WNT8B: variants seen among roughly 807,000 people sequenced by gnomAD.
WNT8B encodes the protein protein Wnt-8b.
In WNT8B, 24 loss-of-function variants were observed where a neutral mutation model predicts 36.6. The observed-to-expected ratio is 0.66, with a 90% CI of 0.48 to 0.92. The LOEUF (loss-of-function observed/expected upper bound fraction) is 0.92, where lower values mean the gene tolerates loss of function less well. Ranked by LOEUF, WNT8B falls within the 40% of genes least tolerant of loss-of-function variation. The probability of loss-of-function intolerance (pLI) is 0.00; values close to 1 mark genes in which losing one functional copy is unlikely to be tolerated. For missense variants in WNT8B, 402 were observed against 470.8 expected, an observed-to-expected ratio of 0.85 and a Z score of 1.35; for synonymous variants, 199 against 189.8, an observed-to-expected ratio of 1.05 and a Z score of -0.40.
chr10:100,482,377 C>A lies in WNT8B; in HGVS notation c.617C>A (p.Ala206Glu). The A allele has an allele frequency of 6.2e-7, 1 of 1,606,434 alleles. No individual in the cohort carries two copies. ...LQLPEFREVG[A>E]HLKEKYHAAL... ...CTGCCCGAGTTCCGCGAGGTGGGCGCGCACCTGAAGGAGAAGTACCACGCA... is the reference window on the plus strand; with the variant it reads ...CTGCCCGAGTTCCGCGAGGTGGGCGAGCACCTGAAGGAGAAGTACCACGCA... The change falls in exon 6 of 6, where the codon GCG becomes GAG. Residue 206 changes from alanine (A) to glutamate (E), a missense_variant. Ala to Glu is a moderately radical substitution (Grantham distance 107, BLOSUM62 -1). This residue lies in a region of WNT8B where 256 missense variants were observed against 278.6 expected (regional missense o/e 0.92). Coordinates refer to ENST00000343737, the MANE Select transcript of WNT8B (RefSeq NM_003393.4). The surrounding 1 kb of genome is among the most constrained non-coding windows in gnomAD (Gnocchi z 6.6).
At position 100,463,105 on chromosome 10, in the gene WNT8B, C is replaced by A; in HGVS notation, c.-64C>A. 1 of 1,470,924 alleles carries A rather than the reference C, an allele frequency of 6.8e-7. No individual in the cohort carries two copies. Among genetic ancestry groups the A allele is most frequent in the Non-Finnish European group, 9.5e-7 (1 of 1,053,958 alleles). The allele number at this position is 1,470,924 out of a possible 1,614,324, so 91.1% of individuals were successfully genotyped here. On this transcript the variant is annotated 5_prime_UTR_variant, in exon 1 of 6. Coordinates refer to ENST00000343737, the MANE Select transcript of WNT8B (RefSeq NM_003393.4). ...CCCACTGGCACTGAGGAGAATATTT[C>A]TCCGTCTTGCTTACCCATCTCCCAG...
chr10:100,474,648 T>C (rs1246812182), intron 1 of WNT8B, among the ~76,000 whole-genome samples: 5 of 152,032 alleles, frequency 3.3e-5, no homozygotes, highest in South Asian at 2.1e-4. Flanking sequence ...CACTGTAAAC[T>C]CCACCTCCAG....
chr10:100,471,178 A>G (rs2133652612), intron 1 of WNT8B, among the ~76,000 whole-genome samples: 1 of 152,362 alleles, frequency 6.6e-6, no homozygotes, highest in East Asian at 1.9e-4. Context: ...ATAGGAGGCT[A>G]TCCATCTAGG....
chr10:100,481,935 G>A lies in WNT8B; in HGVS notation c.391G>A (p.Gly131Ser), dbSNP rs1851118703. The change falls in exon 5 of 6, where the codon GGC (glycine) becomes AGC (serine). Residue 131 changes from glycine (G) to serine (S), a missense_variant. By Grantham distance (56) the Gly-to-Ser change is moderately conservative (BLOSUM62 0). Coordinates refer to ENST00000343737, the MANE Select transcript of WNT8B (RefSeq NM_003393.4). ...QLGGQGWLWG[G>S]CSDNVGFGEA... ...AGGGGGACAAGGCTGGCTGTGGGGAGGCTGCAGTGACAATGTGGGCTTCGG... is the reference window on the plus strand; with the variant it reads ...AGGGGGACAAGGCTGGCTGTGGGGAAGCTGCAGTGACAATGTGGGCTTCGG... The A allele has an allele frequency of 6.2e-7, 1 of 1,614,046 alleles. No homozygotes were observed. Among genetic ancestry groups the A allele is most frequent in the South Asian group, 1.1e-5 (1 of 91,086 alleles).
rs1666670121 is a variant in WNT8B at position 100,482,170 on chromosome 10, C to T, written c.511-101C>T. The T allele has an allele frequency of 1.3e-6, 2 of 1,550,328 alleles. No individual in the cohort carries two copies. Among genetic ancestry groups the T allele is most frequent in the Admixed American group, 1.8e-5 (1 of 54,312 alleles). ...TTGGCAAAATGAGGTACCAAGTGGG[C>T]TGGCCCAGTAGACTAACTAGACTTC... is the stretch of plus-strand genomic sequence containing the variant. On this transcript the variant is annotated intron_variant, in intron 5 of 5. Transcript: ENST00000343737. The surrounding 1 kb of genome is among the most constrained non-coding windows in gnomAD (Gnocchi z 6.6).
Position 100,482,899 on chromosome 10 carries a change from G to A in WNT8B, c.*83G>A, listed in dbSNP as rs1851138888. Reference sequence around the variant, plus strand: ...GTAATTGTGGAACCTAGGGAATGGGGAACCCGCTCTCCCAGACCTAGGGAT... The same window carrying A: ...GTAATTGTGGAACCTAGGGAATGGGAAACCCGCTCTCCCAGACCTAGGGAT... On this transcript the variant is annotated 3_prime_UTR_variant, in exon 6 of 6. Coordinates refer to ENST00000343737, the MANE Select transcript of WNT8B (RefSeq NM_003393.4). This position sits in a 1 kb window ranked among gnomAD's most constrained non-coding sequence, Gnocchi z 6.6. 7.2e-7 allele frequency: 1 copy of A among 1,383,752 alleles called. No homozygotes were observed. Among genetic ancestry groups the A allele is most frequent in the Non-Finnish European group, 9.5e-7 (1 of 1,048,806 alleles). 85.7% of individuals were successfully genotyped at this position (1,383,752 alleles called of 1,614,324 possible).
At chr10:100,472,869 G>A (rs1306130043) in intron 1 of WNT8B, among the ~76,000 whole-genome samples, 1 of 152,178 alleles carries the variant, frequency 6.6e-6, no homozygotes, top group African/African-American at 2.4e-5. Flanking sequence ...TGTTCACTCT[G>A]TTACTCTTGT....
Position 100,479,978 on chromosome 10 carries a change from C to G in WNT8B, c.207C>G (p.Ala69=). The G allele has an allele frequency of 2.5e-6, 4 of 1,613,768 alleles. No homozygotes were observed. Among genetic ancestry groups the G allele is most frequent in the Non-Finnish European group, 3.4e-6 (4 of 1,179,874 alleles). ...AWDRWNCPER[A]LQLSSHGGLR... ...ACCGCTGGAACTGCCCTGAGAGAGCCCTGCAGCTGTCCAGCCATGGTGGGC... is the reference window on the plus strand; with the variant it reads ...ACCGCTGGAACTGCCCTGAGAGAGCGCTGCAGCTGTCCAGCCATGGTGGGC... The change falls in exon 3 of 6, where the codon GCC becomes GCG. Residue 69 remains alanine (A), a synonymous_variant. Coordinates refer to ENST00000343737, the MANE Select transcript of WNT8B (RefSeq NM_003393.4).
At chr10:100,478,581 G>GTT (rs556313187) in intron 1 of WNT8B, among the ~76,000 whole-genome samples, 26 of 144,824 alleles carry the variant, frequency 1.8e-4, no homozygotes, top group South Asian at 1.3e-3. Flanking sequence ...GTGTGTGTGT[G>GTT]TTTTTTTTTT....
At chr10:100,480,933 G>GC (rs1851101671) in intron 3 of WNT8B, 65 bp from the exon 4 acceptor site, 1 of 1,560,598 alleles carries the variant, frequency 6.4e-7, no homozygotes, top group African/African-American at 1.4e-5. Context: ...AAGAAAGGTA[G>GC]CATGTCTGGT....
In WNT8B at chr10:100,481,820, A is replaced by G. The variant is rs943858553; in HGVS notation, c.368-92A>G. On this transcript the variant is annotated intron_variant, in intron 4 of 5. Coordinates refer to ENST00000343737, the MANE Select transcript of WNT8B (RefSeq NM_003393.4). ...CAACCTTAATCCTCTCCTATCCTGGACCCCCCCACCCCCAACCCAATTAGA... is the reference window on the plus strand; with the variant it reads ...CAACCTTAATCCTCTCCTATCCTGGGCCCCCCCACCCCCAACCCAATTAGA... The G allele has an allele frequency of 3.9e-6, 6 of 1,519,270 alleles. No homozygotes were observed. The African/African-American group carries it at 6.9e-5, about 17-fold the overall frequency. 94.1% of individuals were successfully genotyped at this position (1,519,270 alleles called of 1,614,324 possible). A position where few individuals can be genotyped will look rare whatever the true frequency, so the allele number is the denominator to read the frequency against.
Position 100,463,307 on chromosome 10 carries a change from T to G in WNT8B, c.68+71T>G, listed in dbSNP as rs1413039311. ...ATGTAATGTGTTGGGTAAAGCTCAT[T>G]TCATTTCCAGAAATGTAGGAAGCCT... On this transcript the variant is annotated intron_variant, in intron 1 of 5. Transcript: ENST00000343737. The G allele has an allele frequency of 2.7e-6, 4 of 1,479,254 alleles. No individual in the cohort carries two copies. In the African/African-American group the frequency reaches 5.6e-5, roughly 21 times the overall value. The allele number at this position is 1,479,254 out of a possible 1,614,324, so 91.6% of individuals were successfully genotyped here.
chr10:100,483,039 TGAG>T lies in WNT8B; in HGVS notation c.*224_*226del. On this transcript the variant is annotated 3_prime_UTR_variant, in exon 6 of 6. Transcript: ENST00000343737. ...GAATCCTCGCAGCCACACCTAGGTCTGAGAACTCAGGCTTTGAGTTACTGATCT... is the reference window on the plus strand; with the variant it reads ...GAATCCTCGCAGCCACACCTAGGTCTAACTCAGGCTTTGAGTTACTGATCT... 5.0e-5 allele frequency: 25 copies of T among 499,654 alleles called. No individual in the cohort carries two copies. Among genetic ancestry groups the T allele is most frequent in the Admixed American group, 1.6e-4 (4 of 25,672 alleles). 31.0% of individuals were successfully genotyped at this position (499,654 alleles called of 1,614,324 possible). A position where few individuals can be genotyped will look rare whatever the true frequency, so the allele number is the denominator to read the frequency against.
rs757733355 is a variant in WNT8B at position 100,482,837 on chromosome 10, T to G, written c.*21T>G. 84 of 1,474,098 alleles carry G rather than the reference T, an allele frequency of 5.7e-5. No homozygotes were observed. The South Asian group carries it at 1.2e-3, about 21-fold the overall frequency. The allele number at this position is 1,474,098 out of a possible 1,614,324, so 91.3% of individuals were successfully genotyped here. ...CCTAAGGGTTTCCTCTGCCCCCTCCTTTTCCCACTGGTTCTTGGCTTCCTT... is the reference window on the plus strand; with the variant it reads ...CCTAAGGGTTTCCTCTGCCCCCTCCGTTTCCCACTGGTTCTTGGCTTCCTT... On this transcript the variant is annotated 3_prime_UTR_variant, in exon 6 of 6. Coordinates refer to ENST00000343737, the MANE Select transcript of WNT8B (RefSeq NM_003393.4). The surrounding 1 kb of genome is among the most constrained non-coding windows in gnomAD (Gnocchi z 6.6).
chr10:100,466,349 G>A (rs1850907159), intron 1 of WNT8B, among the ~76,000 whole-genome samples: 1 of 152,042 alleles, frequency 6.6e-6, no homozygotes, highest in South Asian at 2.1e-4. Flanking sequence ...CTGCACTGTA[G>A]GAAGGCCTGA....
chr10:100,477,543 C>T (rs1309249791), intron 1 of WNT8B, among the ~76,000 whole-genome samples: 5 of 152,132 alleles, frequency 3.3e-5, no homozygotes, highest in Admixed American at 3.3e-4. Flanking sequence ...TCATGATCTG[C>T]CTGCCTTGGC....
At chr10:100,480,133 C>T (rs1851091892) in intron 3 of WNT8B, 121 bp downstream of exon 3, 2 of 1,237,790 alleles carry the variant, frequency 1.6e-6, no homozygotes, top group Admixed American at 2.9e-5. Flanking sequence ...TAGGTCATCT[C>T]CCTCTCCAGG....
intron 1 of WNT8B, among the ~76,000 whole-genome samples, chr10:100,464,733 G>A (rs6584379): frequency 0.21 from 32,393 of 152,088 alleles, 3,546 homozygotes; most frequent in Non-Finnish European, 0.23. Context: ...GGGTTTAAGA[G>A]CCCTTCTCGC....
chr10:100,464,867 G>A (rs558377736), intron 1 of WNT8B, among the ~76,000 whole-genome samples: 149 of 152,194 alleles, frequency 9.8e-4, no homozygotes, highest in African/African-American at 3.5e-3. Flanking sequence ...TCTGTTTGTG[G>A]TGGCATTTGA....
Sources: allele counts gnomAD v4.1 joint callset (sites outside exome capture counted in the v4.1 genomes callset), GRCh38; gene constraint gnomAD v4.1.1; regional missense constraint gnomAD v4.1.1; non-coding constraint Gnocchi (gnomAD v3.1); transcripts MANE v1.5; gene names NCBI Gene and HGNC (gene_info 2026-07-23, HGNC 2026-07-21).